Variants in ABI1 observed in about 807,000 individuals in gnomAD.
The protein encoded by ABI1 is Abelson interactor 1.
In ABI1, 14 loss-of-function variants were observed where a neutral mutation model predicts 54.6. The ratio of observed to expected loss-of-function variants is 0.26; its 90% CI spans 0.17 to 0.40. ABI1 has a LOEUF of 0.40. Among genes scored for constraint, ABI1 ranks in the 10% least tolerant of loss-of-function variants. The pLI, the probability that ABI1 is intolerant of heterozygous loss-of-function variation, is 1.00. For missense variants in ABI1, 443 were observed against 598.3 expected (o/e 0.74, Z 2.71); for synonymous variants, 194 against 209.3 (o/e 0.93, Z 0.63).
rs1330751367 is a variant in ABI1, at chr10:26,751,606, A to C, written c.1262T>G (p.Ile421Ser). Residue 421 changes from isoleucine (I) to serine (S), a missense_variant, in exon 10 of 11, where the codon ATT (isoleucine) becomes AGT (serine). Ile to Ser is a moderately radical substitution (Grantham distance 142). This residue lies in a region of ABI1 where 49 missense variants were observed against 113.5 expected (regional missense o/e 0.43). Coordinates refer to ENST00000376140, the MANE Select transcript of ABI1 (RefSeq NM_001012750.3). ...CAATGACTGTACCTTACCTTTCTCA[A>C]TATAATTCTTGGGGGCCCAAGCAGG... is the stretch of plus-strand genomic sequence containing the variant. ...GDPAWAPKNY[I>S]EKVVAIYDYT... is the part of the protein sequence containing the mutation. The C allele has an allele frequency of 6.2e-7, 1 of 1,612,120 alleles. No homozygotes were observed. Among genetic ancestry groups the C allele is most frequent in the Non-Finnish European group, 8.5e-7 (1 of 1,179,374 alleles).
chr10:26,757,057 T>TA (rs1268908780), intron 8 of ABI1, among the ~76,000 whole-genome samples: 1 of 152,026 alleles, frequency 6.6e-6, no homozygotes, highest in Non-Finnish European at 1.5e-5. Flanking sequence ...CTCACAAACC[T>TA]AAAAAAGTGT....
intron 1 of ABI1, among the ~76,000 whole-genome samples, chr10:26,834,838 C>G (rs1004253113): frequency 1.3e-5 from 2 of 152,024 alleles, no homozygotes; most frequent in Admixed American, 1.3e-4. Flanking sequence ...CACAGTAGCT[C>G]ATGCCTGTAA....
chr10:26,824,468 C>A (rs2048180455), intron 1 of ABI1, among the ~76,000 whole-genome samples: 1 of 152,086 alleles, frequency 6.6e-6, no homozygotes, highest in Admixed American at 6.6e-5. Context: ...GGAAACAACC[C>A]ATATAACTAT....
At chr10:26,797,735 T>G (rs1844374636) in intron 2 of ABI1, among the ~76,000 whole-genome samples, 1 of 152,198 alleles carries the variant, frequency 6.6e-6, no homozygotes, top group South Asian at 2.1e-4. Context: ...AAAGCATGGC[T>G]TGTCGATATC....
intron 1 of ABI1, among the ~76,000 whole-genome samples, chr10:26,841,640 T>C (rs2049513578): frequency 7.0e-6 from 1 of 143,164 alleles, no homozygotes; most frequent in South Asian, 2.4e-4. Flanking sequence ...CTCTGTATAT[T>C]TGACTCTTTT....
chr10:26,777,423 C>T (rs1841549081), intron 2 of ABI1, among the ~76,000 whole-genome samples, 182 bp from the exon 3 acceptor site: 1 of 152,124 alleles, frequency 6.6e-6, no homozygotes. Flanking sequence ...GTTTAAAGCA[C>T]CAACTAATGT....
chr10:26,849,609 A>AT (rs1236498284), intron 1 of ABI1, among the ~76,000 whole-genome samples: 3 of 152,248 alleles, frequency 2.0e-5, no homozygotes, highest in Non-Finnish European at 2.9e-5. Flanking sequence ...AGACTTGAGC[A>AT]TTTGGCAGAC....
chr10:26,830,674 AAAC>A (rs1260224597), intron 1 of ABI1, among the ~76,000 whole-genome samples: 1 of 152,084 alleles, frequency 6.6e-6, no homozygotes, highest in African/African-American at 2.4e-5. Flanking sequence ...AAAGAAACAG[AAAC>A]AACATTATTT....
intron 2 of ABI1, among the ~76,000 whole-genome samples, chr10:26,779,587 G>A (rs1275050385): frequency 6.6e-6 from 1 of 152,228 alleles, no homozygotes; most frequent in African/African-American, 2.4e-5. Flanking sequence ...TGTAGGCAGA[G>A]CCAAACAAAT....
intron 2 of ABI1, among the ~76,000 whole-genome samples, chr10:26,811,771 TTGTA>T (rs2047248912): frequency 7.5e-6 from 1 of 132,648 alleles, no homozygotes; most frequent in East Asian, 2.8e-4. Context: ...TTGTATAAAT[TTGTA>T]TAAATTTATG....
At chr10:26,766,791 T>C (rs189719753) in intron 6 of ABI1, among the ~76,000 whole-genome samples, 39 of 152,340 alleles carry the variant, frequency 2.6e-4, no homozygotes, top group Non-Finnish European at 4.3e-4. Flanking sequence ...GAGTTAAGAA[T>C]GTTTTTTATA....
At chr10:26,844,752 T>C (rs11015333) in intron 1 of ABI1, among the ~76,000 whole-genome samples, 38,761 of 151,994 alleles carry the variant, frequency 0.26, 5,566 homozygotes, top group South Asian at 0.44. Flanking sequence ...TAGGGGAAAA[T>C]AGATACCGGT....
intron 1 of ABI1, among the ~76,000 whole-genome samples, chr10:26,857,320 C>CAAA (rs71403897): frequency 3.0e-4 from 23 of 75,936 alleles, no homozygotes; most frequent in Non-Finnish European, 3.7e-4. Context: ...GACTCCATCT[C>CAAA]AAAAAAAAAA....
At chr10:26,814,271 T>A (rs899524472) in intron 2 of ABI1, among the ~76,000 whole-genome samples, 4 of 152,224 alleles carry the variant, frequency 2.6e-5, no homozygotes, top group African/African-American at 9.6e-5. Context: ...GCCCATCTTT[T>A]GATTTCTAAT....
chr10:26,765,560 T>A, intron 6 of ABI1, among the ~76,000 whole-genome samples: 1 of 150,592 alleles, frequency 6.6e-6, no homozygotes, highest in African/African-American at 2.4e-5. Context: ...AGGTTCTGCA[T>A]CCCATGAATA....
intron 2 of ABI1, among the ~76,000 whole-genome samples, chr10:26,810,277 T>C (rs565752246): frequency 6.6e-6 from 1 of 152,260 alleles, no homozygotes; most frequent in Non-Finnish European, 1.5e-5. Context: ...CCCTATATGC[T>C]GGGGATATGG....
chr10:26,781,736 T>G (rs1214813199), intron 2 of ABI1, among the ~76,000 whole-genome samples: 3 of 152,146 alleles, frequency 2.0e-5, no homozygotes, highest in African/African-American at 7.2e-5. Flanking sequence ...CCAAAAACCA[T>G]GGAGATCAAT....
chr10:26,809,844 G>A (rs905866758), intron 2 of ABI1, among the ~76,000 whole-genome samples: 2 of 152,140 alleles, frequency 1.3e-5, no homozygotes, highest in African/African-American at 4.8e-5. Context: ...GAGCAAGGAG[G>A]GTAGCATGCC....
intron 4 of ABI1, among the ~76,000 whole-genome samples, chr10:26,770,706 G>A (rs781347959): frequency 6.6e-6 from 1 of 152,100 alleles, no homozygotes; most frequent in Non-Finnish European, 1.5e-5. Context: ...TTGTCAATTT[G>A]CTCAAATACG....
Sources: gnomAD v4.1 joint callset for allele counts (sites outside exome capture counted in the v4.1 genomes callset) on GRCh38, gnomAD v4.1.1 for gene constraint, gnomAD v4.1.1 regional missense constraint, MANE v1.5 for transcripts, NCBI Gene and HGNC (gene_info 2026-07-23, HGNC 2026-07-21) for gene names.